Variants in AGAP1 observed in about 807,000 individuals in gnomAD.
AGAP1 encodes arf-GAP with GTPase, ANK repeat and PH domain-containing protein 1.
A neutral mutation model predicts 105.3 loss-of-function variants in AGAP1; 29 were observed. That is an observed-to-expected ratio of 0.28 (90% CI 0.21 to 0.38). The LOEUF (loss-of-function observed/expected upper bound fraction) is 0.38, where lower values mean the gene tolerates loss of function less well. Ranked by LOEUF, AGAP1 falls within the 10% of genes least tolerant of loss-of-function variation. The pLI, the probability that AGAP1 is intolerant of heterozygous loss-of-function variation, is 1.00. For synonymous variants in AGAP1, 509 were observed against 485.9 expected, an observed-to-expected ratio of 1.05 and a Z score of -0.63; for missense variants, 998 against 1,165.1, an observed-to-expected ratio of 0.86 and a Z score of 2.09.
chr2:235,790,236 G>A (rs902927710), intron 6 of AGAP1, among the ~76,000 whole-genome samples: 2 of 152,170 alleles, frequency 1.3e-5, no homozygotes, highest in African/African-American at 4.8e-5. Context: ...CTGTATCACT[G>A]AGCTTGTATC....
intron 13 of AGAP1, among the ~76,000 whole-genome samples, chr2:235,980,530 G>A (rs574575967): frequency 5.3e-5 from 8 of 152,242 alleles, no homozygotes; most frequent in South Asian, 2.1e-4. Flanking sequence ...CGCATTTGCC[G>A]CTGAGCACAC....
At chr2:236,122,680 A>ATTTTTTTTTT (rs71039713) in intron 17 of AGAP1, among the ~76,000 whole-genome samples, 3 of 123,608 alleles carry the variant, frequency 2.4e-5, no homozygotes, top group Non-Finnish European at 4.9e-5. Flanking sequence ...TCCAGTGACA[A>ATTTTTTTTTT]TTTTTTTTTT....
Position 236,044,662 on chromosome 2 carries a change from G to A in AGAP1, c.1891+3821G>A, listed in dbSNP as rs1328190981. Among the ~76,000 whole-genome samples the A allele has an allele frequency of 2.6e-5, 4 of 152,150 alleles. No homozygotes were observed. In the East Asian group the frequency reaches 5.8e-4, roughly 22 times the overall value. The stretch of plus-strand genomic sequence containing the variant: ...CAACCTACAGTAGGAGCACATCCAG[G>A]CTCTCATCTTTAGCTTGGCCCACAA... On this transcript the variant is annotated intron_variant, in intron 15 of 17. Coordinates refer to ENST00000304032, the MANE Select transcript of AGAP1 (RefSeq NM_001037131.3). This position sits in a 1 kb window ranked among gnomAD's most constrained non-coding sequence, Gnocchi z 5.7.
At chr2:235,512,481 CT>C (rs757673287) in intron 1 of AGAP1, among the ~76,000 whole-genome samples, 16 of 152,146 alleles carry the variant, frequency 1.1e-4, no homozygotes, top group Non-Finnish European at 1.8e-4. Flanking sequence ...ATGGTCCCAG[CT>C]GCTCAGGAGG....
rs1219542621 is a variant in AGAP1, at chr2:235,705,382, G to T, written c.164-3797G>T. Among the ~76,000 whole-genome samples, 1 of 152,174 alleles carries T rather than the reference G, an allele frequency of 6.6e-6. No individual in the cohort carries two copies. Among genetic ancestry groups the T allele is most frequent in the Non-Finnish European group, 1.5e-5 (1 of 68,044 alleles). On this transcript the variant is annotated intron_variant, in intron 1 of 17. Transcript: ENST00000304032. The surrounding 1 kb of genome is among the most constrained non-coding windows in gnomAD (Gnocchi z 4.9). The stretch of plus-strand genomic sequence containing the variant: ...CGGATGTGCATCCACACACTCATGC[G>T]CATATGCCCAGCTGTGTTTCCCTGA...
intron 13 of AGAP1, among the ~76,000 whole-genome samples, chr2:235,999,043 G>A (rs948698271): frequency 2.6e-5 from 4 of 151,490 alleles, no homozygotes; most frequent in Admixed American, 6.6e-5. Flanking sequence ...TACTGGTGAT[G>A]GCAAGAATGA....
At chr2:235,916,535 G>C (rs1028999498) in intron 11 of AGAP1, among the ~76,000 whole-genome samples, 2 of 152,180 alleles carry the variant, frequency 1.3e-5, no homozygotes, top group African/African-American at 4.8e-5. Context: ...TAATGTCCAA[G>C]AGCAAGGGTT....
intron 2 of AGAP1, among the ~76,000 whole-genome samples, chr2:235,713,258 C>T (rs994597936): frequency 2.0e-5 from 3 of 152,174 alleles, no homozygotes; most frequent in East Asian, 1.9e-4. Flanking sequence ...TGACATGAAG[C>T]GGGTGCCCTT....
In AGAP1 at chr2:235,962,454, G is replaced by A. The variant is rs766552031; in HGVS notation, c.1484-6008G>A. The stretch of plus-strand genomic sequence containing the variant: ...ATAAGAAAAACCGTGGGATGTGAGC[G>A]GGTTGGACGTCAGATGGCATGGAAC... On this transcript the variant is annotated intron_variant, in intron 12 of 17. Transcript: ENST00000304032. The surrounding 1 kb of genome is among the most constrained non-coding windows in gnomAD (Gnocchi z 5.3). Among the ~76,000 whole-genome samples, 8 of 152,270 alleles carry A rather than the reference G, an allele frequency of 5.3e-5. No homozygotes were observed. Among genetic ancestry groups the A allele is most frequent in the East Asian group, 1.9e-4 (1 of 5,144 alleles).
At chr2:235,638,697 G>A (rs1947092582) in intron 1 of AGAP1, among the ~76,000 whole-genome samples, 2 of 152,172 alleles carry the variant, frequency 1.3e-5, no homozygotes, top group Admixed American at 6.5e-5. Context: ...GAGAATAATA[G>A]CGTGGTGTCC....
chr2:235,968,644 C>T lies in AGAP1; in HGVS notation c.1645+21C>T, dbSNP rs553069218. Reference sequence around the variant, plus strand: ...TGAAGGTAAGGGTTCCGCGGTGCCCCGGGAGAGAGTCTCCACTGCGGAAAA... The same window carrying T: ...TGAAGGTAAGGGTTCCGCGGTGCCCTGGGAGAGAGTCTCCACTGCGGAAAA... On this transcript the variant is annotated intron_variant, in intron 13 of 17. Coordinates refer to ENST00000304032, the MANE Select transcript of AGAP1 (RefSeq NM_001037131.3). 37 of 1,590,840 alleles carry T rather than the reference C, an allele frequency of 2.3e-5. No individual in the cohort carries two copies. The African/African-American group carries it at 2.5e-4, about 11-fold the overall frequency.
chr2:235,675,859 A>G (rs1948709049), intron 1 of AGAP1, among the ~76,000 whole-genome samples: 1 of 152,192 alleles, frequency 6.6e-6, no homozygotes, highest in African/African-American at 2.4e-5. Flanking sequence ...TTGATAAGTC[A>G]TCAAAGAGAC....
intron 1 of AGAP1, among the ~76,000 whole-genome samples, chr2:235,678,047 C>T (rs981502486): frequency 3.3e-5 from 5 of 150,432 alleles, no homozygotes; most frequent in Admixed American, 6.6e-5. Flanking sequence ...ACAGTAAGTG[C>T]TGCCGCCTCA....
At chr2:235,849,812 G>A (rs1575610362) in intron 9 of AGAP1, among the ~76,000 whole-genome samples, 1 of 152,206 alleles carries the variant, frequency 6.6e-6, no homozygotes, top group Non-Finnish European at 1.5e-5. Context: ...CGCCCCTGGA[G>A]GGGAGGAAGA....
rs1317935910 is a variant in AGAP1, at chr2:236,009,797, C to T, written c.1646-26764C>T. Reference sequence around the variant, plus strand: ...AGGATGTAATTCATGCACACTTGGACGTCCAACATGGCTGACGCGCCTTGG... The same window carrying T: ...AGGATGTAATTCATGCACACTTGGATGTCCAACATGGCTGACGCGCCTTGG... On this transcript the variant is annotated intron_variant, in intron 13 of 17. Transcript: ENST00000304032. This position sits in a 1 kb window ranked among gnomAD's most constrained non-coding sequence, Gnocchi z 4.2. Among the ~76,000 whole-genome samples the T allele has an allele frequency of 6.6e-6, 1 of 152,174 alleles. No homozygotes were observed. The highest frequency in any genetic ancestry group is 2.4e-5 in the African/African-American group (1 of 41,432).
In AGAP1 at chr2:235,855,769, G is replaced by A. The variant is rs1185230401; in HGVS notation, c.1051-27576G>A. On this transcript the variant is annotated intron_variant, in intron 9 of 17. Transcript: ENST00000304032. This position sits in a 1 kb window ranked among gnomAD's most constrained non-coding sequence, Gnocchi z 5.0. The stretch of plus-strand genomic sequence containing the variant: ...GGTAAATGGGTGACAGTGACAAGTG[G>A]GTGATTGGGGACACGTCCTTGAGGC... 6.6e-6 allele frequency among the ~76,000 whole-genome samples: 1 copy of A among 152,126 alleles called. No individual in the cohort carries two copies. Among genetic ancestry groups the A allele is most frequent in the Non-Finnish European group, 1.5e-5 (1 of 68,034 alleles).
rs184388030 is a variant in AGAP1, at chr2:235,672,945, T to C, written c.164-36234T>C. Among the ~76,000 whole-genome samples, 207 of 152,340 alleles carry C rather than the reference T, an allele frequency of 1.4e-3. 1 individual carries two copies. The highest frequency in any genetic ancestry group is 2.2e-3 in the Non-Finnish European group (153 of 68,028). On this transcript the variant is annotated intron_variant, in intron 1 of 17. Coordinates refer to ENST00000304032, the MANE Select transcript of AGAP1 (RefSeq NM_001037131.3). ...GTGGTCAGTCCTTCTCTGGGCGGAA[T>C]TACTTTGGTCTGAGACATGATATTA...
rs2057582030 is a variant in AGAP1 at position 236,042,560 on chromosome 2, C to T, written c.1891+1719C>T. On this transcript the variant is annotated intron_variant, in intron 15 of 17. Coordinates refer to ENST00000304032, the MANE Select transcript of AGAP1 (RefSeq NM_001037131.3). This position sits in a 1 kb window ranked among gnomAD's most constrained non-coding sequence, Gnocchi z 5.6. ...ACGAATCTGAGAAATATTAGAACAT[C>T]CATTAAGGAAAATGCCTGCAGTTGT... is the stretch of plus-strand genomic sequence containing the variant. Among the ~76,000 whole-genome samples, 1 of 152,138 alleles carries T rather than the reference C, an allele frequency of 6.6e-6. No individual in the cohort carries two copies. The highest frequency in any genetic ancestry group is 2.1e-4 in the South Asian group (1 of 4,824).
rs895901550 is a variant in AGAP1, at chr2:235,853,056, A to G, written c.1051-30289A>G. ...GACCCCTTAATTTCTATAGCGGGCA[A>G]TTCAGTCCACAAAGGAAGGAAATCA... is the stretch of plus-strand genomic sequence containing the variant. On this transcript the variant is annotated intron_variant, in intron 9 of 17. Transcript: ENST00000304032. The G allele has an allele frequency of 8.1e-6, 10 of 1,238,352 alleles. No homozygotes were observed. In the South Asian group the frequency reaches 3.4e-4, roughly 42 times the overall value. The allele number at this position is 1,238,352 out of a possible 1,614,324, so 76.7% of individuals were successfully genotyped here. A position where few individuals can be genotyped will look rare whatever the true frequency, so the allele number is the denominator to read the frequency against.
Sources: gnomAD v4.1 joint callset for allele counts (sites outside exome capture counted in the v4.1 genomes callset) on GRCh38, gnomAD v4.1.1 for gene constraint, Gnocchi (gnomAD v3.1) non-coding constraint, MANE v1.5 for transcripts, NCBI Gene and HGNC (gene_info 2026-07-23, HGNC 2026-07-21) for gene names.